The following ZBTB20 variants were observed in gnomAD, a reference collection of about 807,000 sequenced individuals.
The protein encoded by ZBTB20 is zinc finger and BTB domain containing 20.
In ZBTB20, 9 loss-of-function variants were observed where a neutral mutation model predicts 56.9. That is an observed-to-expected ratio of 0.16 (90% CI 0.10 to 0.28). The LOEUF is 0.28. ZBTB20 is among the 10% of genes least tolerant of loss of function. The pLI is 1.00. For synonymous variants in ZBTB20, 417 were observed against 420.7 expected, an observed-to-expected ratio of 0.99 and a Z score of 0.11; for missense variants, 655 against 1,003.0, an observed-to-expected ratio of 0.65 and a Z score of 4.69.
At chr3:114,985,249 C>A (rs1014849986) in intron 2 of ZBTB20, among the ~76,000 whole-genome samples, 3 of 152,004 alleles carry the variant, frequency 2.0e-5, no homozygotes, top group African/African-American at 7.2e-5. Flanking sequence ...ATCTGAGTAA[C>A]GAATAAATGA....
At position 115,109,806 on chromosome 3, in the gene ZBTB20, G is replaced by A. The variant is rs573850908; in HGVS notation, c.-703+37413C>T. On this transcript the variant is annotated intron_variant, in intron 1 of 11. Coordinates refer to ENST00000675478, the MANE Select transcript of ZBTB20 (RefSeq NM_001348800.3). ...ATTTGTTTGAGGAAAAGTATATTAA[G>A]TATCTCAAAGTAAAATTTAAAGAAA... 1.6e-4 allele frequency among the ~76,000 whole-genome samples: 25 copies of A among 152,206 alleles called. No individual in the cohort carries two copies. The South Asian group carries it at 4.4e-3, about 27-fold the overall frequency.
intron 5 of ZBTB20, among the ~76,000 whole-genome samples, chr3:114,728,475 G>A (rs1381022529): frequency 1.3e-5 from 2 of 152,182 alleles, no homozygotes; most frequent in African/African-American, 4.8e-5. Context: ...GATAGGCTTG[G>A]AGAATTTGTT....
intron 6 of ZBTB20, among the ~76,000 whole-genome samples, chr3:114,525,378 A>C (rs550381544): frequency 3.3e-5 from 5 of 151,988 alleles, no homozygotes; most frequent in Non-Finnish European, 7.4e-5. Context: ...TTCCTGCTCA[A>C]ACCATCCATT....
At chr3:114,927,135 G>C (rs1028123899) in intron 3 of ZBTB20, among the ~76,000 whole-genome samples, 22 of 152,154 alleles carry the variant, frequency 1.4e-4, no homozygotes, top group African/African-American at 5.3e-4. Flanking sequence ...TCATCCCTCT[G>C]CTCACTAAGA....
Position 114,556,152 on chromosome 3 carries a change from A to AATCTGG in ZBTB20, c.-294-55767_-294-55762dup, listed in dbSNP as rs2051193978. Among the ~76,000 whole-genome samples the AATCTGG allele has an allele frequency of 2.0e-5, 3 of 152,204 alleles. No individual in the cohort carries two copies. In the South Asian group the frequency reaches 6.2e-4, roughly 32 times the overall value. On this transcript the variant is annotated intron_variant, in intron 6 of 11. Coordinates refer to ENST00000675478, the MANE Select transcript of ZBTB20 (RefSeq NM_001348800.3). ...GTAAGCTTCCCTTCATCCAGAAGAA[A>AATCTGG]ATCTGGATCTGGATCTGTTCATATA...
chr3:114,718,698 GA>G (rs926782594), intron 5 of ZBTB20, among the ~76,000 whole-genome samples: 10 of 151,594 alleles, frequency 6.6e-5, no homozygotes, highest in Non-Finnish European at 1.0e-4. Context: ...ATTTTCTTAA[GA>G]AAAAAAAGGA....
chr3:115,053,492 G>A (rs1240010300), intron 2 of ZBTB20, among the ~76,000 whole-genome samples: 2 of 152,170 alleles, frequency 1.3e-5, no homozygotes, highest in African/African-American at 2.4e-5. Flanking sequence ...AGGGTGGTGA[G>A]TTCACTAATC....
chr3:114,978,480 A>C (rs765931830), intron 2 of ZBTB20, among the ~76,000 whole-genome samples: 124 of 151,736 alleles, frequency 8.2e-4, no homozygotes, highest in Non-Finnish European at 1.5e-3. Flanking sequence ...ATAGGATATT[A>C]AGTGTTCATT....
chr3:114,736,915 G>A, intron 5 of ZBTB20, among the ~76,000 whole-genome samples: 1 of 152,258 alleles, frequency 6.6e-6, no homozygotes, highest in African/African-American at 2.4e-5. Context: ...TATGTTCCCT[G>A]ATCAAATGGG....
At chr3:114,924,835 C>T (rs540102892) in intron 3 of ZBTB20, among the ~76,000 whole-genome samples, 2 of 152,022 alleles carry the variant, frequency 1.3e-5, no homozygotes, top group Admixed American at 1.3e-4. Flanking sequence ...TTTCTCACTC[C>T]TTTTTAGATT....
In ZBTB20 at chr3:115,003,724, T is replaced by A. The variant is rs550685145; in HGVS notation, c.-506-29308A>T. Among the ~76,000 whole-genome samples the A allele has an allele frequency of 7.9e-5, 12 of 151,730 alleles. No individual in the cohort carries two copies. The South Asian group carries it at 1.4e-3, about 18-fold the overall frequency. The stretch of plus-strand genomic sequence containing the variant: ...CACTAAGTTTAACAAATATTATGTT[T>A]GCAAGTGTCAGGTGACAGGCATGTT... On this transcript the variant is annotated intron_variant, in intron 2 of 11. Coordinates refer to ENST00000675478, the MANE Select transcript of ZBTB20 (RefSeq NM_001348800.3).
chr3:114,771,292 A>T (rs1232998130), intron 5 of ZBTB20, among the ~76,000 whole-genome samples: 1 of 152,204 alleles, frequency 6.6e-6, no homozygotes, highest in Non-Finnish European at 1.5e-5. Context: ...AAATATAAAC[A>T]TACATATATC....
At chr3:114,494,548 G>A (rs2043075164) in intron 7 of ZBTB20, among the ~76,000 whole-genome samples, 1 of 152,212 alleles carries the variant, frequency 6.6e-6, no homozygotes, top group African/African-American at 2.4e-5. Flanking sequence ...TGGAGGCAAA[G>A]TATCCCATTG....
chr3:114,442,774 T>C (rs1263686405), intron 7 of ZBTB20, among the ~76,000 whole-genome samples: 1 of 152,182 alleles, frequency 6.6e-6, no homozygotes, highest in African/African-American at 2.4e-5. Context: ...GCAAGATCCA[T>C]ACATACTCAG....
chr3:114,685,718 C>T (rs548672739), intron 6 of ZBTB20, among the ~76,000 whole-genome samples: 3 of 152,258 alleles, frequency 2.0e-5, no homozygotes, highest in African/African-American at 7.2e-5. Flanking sequence ...TTTATTGAAA[C>T]ACCAAGTTCC....
chr3:114,575,191 T>A (rs945639745), intron 6 of ZBTB20, among the ~76,000 whole-genome samples: 1 of 152,194 alleles, frequency 6.6e-6, no homozygotes, highest in Non-Finnish European at 1.5e-5. Flanking sequence ...TTTTACAATT[T>A]AAAAAATAGA....
intron 6 of ZBTB20, among the ~76,000 whole-genome samples, chr3:114,636,200 C>A: frequency 6.6e-6 from 1 of 152,016 alleles, no homozygotes; most frequent in East Asian, 1.9e-4. Context: ...AGCCATCCTT[C>A]AATAATAAAG....
intron 6 of ZBTB20, among the ~76,000 whole-genome samples, chr3:114,580,527 G>A (rs1171495777): frequency 6.6e-6 from 1 of 151,654 alleles, no homozygotes; most frequent in Non-Finnish European, 1.5e-5. Context: ...GAACATTTAA[G>A]AATTAGAATT....
At chr3:114,411,202 T>C (rs2087913757) in intron 7 of ZBTB20, among the ~76,000 whole-genome samples, 1 of 152,140 alleles carries the variant, frequency 6.6e-6, no homozygotes, top group Non-Finnish European at 1.5e-5. Context: ...GATGCACCAG[T>C]CACCTCCTTC....
Sources: gnomAD v4.1 joint callset for allele counts (sites outside exome capture counted in the v4.1 genomes callset) on GRCh38, gnomAD v4.1.1 for gene constraint, MANE v1.5 for transcripts, NCBI Gene and HGNC (gene_info 2026-07-23, HGNC 2026-07-21) for gene names.